Variants in PAG1 observed in about 807,000 individuals in gnomAD.
PAG1 encodes phosphoprotein membrane anchor with glycosphingolipid microdomains 1.
PAG1 carries 23 observed loss-of-function variants against 31.7 expected under a neutral mutation model. The ratio of observed to expected loss-of-function variants is 0.73; its 90% CI spans 0.52 to 1.03. The LOEUF (loss-of-function observed/expected upper bound fraction) is 1.03, where lower values mean the gene tolerates loss of function less well. PAG1 is among the 50% of genes least tolerant of loss of function. PAG1 has a pLI of 0.00. For synonymous variants in PAG1, 214 were observed against 210.3 expected (o/e 1.02, Z -0.15); for missense variants, 473 against 540.7 (o/e 0.87, Z 1.24).
intron 3 of PAG1, chr8:81,029,782 C>A (rs565318563): frequency 6.6e-6 from 1 of 152,260 alleles, no homozygotes; most frequent in South Asian, 2.1e-4. Flanking sequence ...TCAGTGAGCT[C>A]CCAGATTCTG....
chr8:81,014,144 C>T (rs1457009043), intron 3 of PAG1, among the ~76,000 whole-genome samples: 1 of 152,076 alleles, frequency 6.6e-6, no homozygotes, highest in Non-Finnish European at 1.5e-5. Flanking sequence ...TATGGAATCC[C>T]CCTAAAAGAT....
At chr8:80,983,022 G>C (rs1469036908) in intron 7 of PAG1, among the ~76,000 whole-genome samples, 1 of 152,096 alleles carries the variant, frequency 6.6e-6, no homozygotes, top group African/African-American at 2.4e-5. Flanking sequence ...TCTGCTGCTC[G>C]GGACTCTAGT....
At chr8:80,977,074 T>C (rs1219301457) in intron 8 of PAG1, among the ~76,000 whole-genome samples, 168 bp from the exon 9 acceptor site, 1 of 152,184 alleles carries the variant, frequency 6.6e-6, no homozygotes, top group African/African-American at 2.4e-5. Context: ...AGAGAATAAT[T>C]ACACACACTA....
In PAG1 at chr8:80,993,279, G is replaced by A. The variant is rs903336865; in HGVS notation, c.-52C>T. The stretch of plus-strand genomic sequence containing the variant: ...GAGGGAATCAGTCAGTCCTTCAAAG[G>A]TGGTGACATGGAGGCAGAGAGCTGT... On this transcript the variant is annotated 5_prime_UTR_variant, in exon 4 of 9. Transcript: ENST00000220597. 5 of 1,553,162 alleles carry A rather than the reference G, an allele frequency of 3.2e-6. No individual in the cohort carries two copies. The highest frequency in any genetic ancestry group is 4.3e-6 in the Non-Finnish European group (5 of 1,150,074).
chr8:80,990,061 C>T lies in PAG1; in HGVS notation c.177+1418G>A, dbSNP rs1344196862. 6.6e-6 allele frequency among the ~76,000 whole-genome samples: 1 copy of T among 151,642 alleles called. No homozygotes were observed. Among genetic ancestry groups the T allele is most frequent in the Non-Finnish European group, 1.5e-5 (1 of 67,932 alleles). On this transcript the variant is annotated intron_variant, in intron 5 of 8. Coordinates refer to ENST00000220597, the MANE Select transcript of PAG1 (RefSeq NM_018440.4). This position sits in a 1 kb window ranked among gnomAD's most constrained non-coding sequence, Gnocchi z 5.1. Reference sequence around the variant, plus strand: ...CCTCCCACCCTCCCTGCTGAGGCCACCACAGCAGCAATCACCAGGCAGAGC... The same window carrying T: ...CCTCCCACCCTCCCTGCTGAGGCCATCACAGCAGCAATCACCAGGCAGAGC...
At chr8:81,005,180 G>A (rs1807853958) in intron 3 of PAG1, among the ~76,000 whole-genome samples, 1 of 152,166 alleles carries the variant, frequency 6.6e-6, no homozygotes, top group Non-Finnish European at 1.5e-5. Context: ...GTGCATCTGA[G>A]AGAGACAGGA....
At chr8:81,058,462 C>G (rs1290635451) in intron 2 of PAG1, 1 of 152,222 alleles carries the variant, frequency 6.6e-6, no homozygotes, top group Non-Finnish European at 1.5e-5. Flanking sequence ...ATTTGGGGGT[C>G]CTTTTAAAGC....
At chr8:81,033,125 T>C (rs1808402697) in intron 2 of PAG1, among the ~76,000 whole-genome samples, 1 of 152,200 alleles carries the variant, frequency 6.6e-6, no homozygotes, top group African/African-American at 2.4e-5. Context: ...GTATGGTATG[T>C]GAATTGCATC....
intron 3 of PAG1, among the ~76,000 whole-genome samples, chr8:81,009,946 CT>C (rs1449968558): frequency 6.6e-6 from 1 of 152,202 alleles, no homozygotes; most frequent in East Asian, 1.9e-4. Flanking sequence ...ATGCCGAGGT[CT>C]AACTCTCAAA....
chr8:80,995,027 A>T (rs1807641704), intron 3 of PAG1, among the ~76,000 whole-genome samples: 1 of 152,240 alleles, frequency 6.6e-6, no homozygotes, highest in Non-Finnish European at 1.5e-5. Flanking sequence ...CTTCGCAGCA[A>T]ACCAGGGTGC....
intron 1 of PAG1, among the ~76,000 whole-genome samples, chr8:81,074,409 T>A (rs957678054): frequency 6.6e-6 from 1 of 151,992 alleles, no homozygotes; most frequent in Non-Finnish European, 1.5e-5. Flanking sequence ...GCTAGATAAC[T>A]AGGAAAGGAG....
intron 3 of PAG1, among the ~76,000 whole-genome samples, chr8:81,023,532 GTA>G (rs142315219): frequency 1.3e-5 from 2 of 150,072 alleles, no homozygotes; most frequent in African/African-American, 2.4e-5. Context: ...TTTCTCTGCA[GTA>G]TATATATATA....
intron 1 of PAG1, among the ~76,000 whole-genome samples, chr8:81,102,393 A>G (rs1172315437): frequency 1.3e-5 from 2 of 152,152 alleles, no homozygotes; most frequent in Non-Finnish European, 2.9e-5. Flanking sequence ...AAATGTCACA[A>G]AGGCATAAGC....
intron 8 of PAG1, 76 bp downstream of exon 8, chr8:80,980,359 T>G: frequency 1.2e-6 from 1 of 809,280 alleles, no homozygotes; most frequent in South Asian, 1.4e-5. Context: ...AGGGTAACAT[T>G]ACAGTGCATT....
chr8:80,993,538 C>G (rs1191759579), intron 3 of PAG1, among the ~76,000 whole-genome samples: 1 of 151,870 alleles, frequency 6.6e-6, no homozygotes, highest in Admixed American at 6.5e-5. Context: ...AGCTGCCTGG[C>G]CCAGTGTTTG....
At chr8:81,014,595 T>C (rs1476571469) in intron 3 of PAG1, among the ~76,000 whole-genome samples, 5 of 152,200 alleles carry the variant, frequency 3.3e-5, no homozygotes, top group African/African-American at 1.2e-4. Context: ...GGGGATTCAA[T>C]ATTTCTGTTG....
At chr8:81,024,270 C>T (rs986442767) in intron 3 of PAG1, among the ~76,000 whole-genome samples, 12 of 152,182 alleles carry the variant, frequency 7.9e-5, no homozygotes, top group African/African-American at 2.9e-4. Flanking sequence ...CTGTTGGAAA[C>T]CCCGATCCAG....
intron 2 of PAG1, among the ~76,000 whole-genome samples, chr8:81,069,788 C>G (rs1809065257): frequency 6.6e-6 from 1 of 152,202 alleles, no homozygotes; most frequent in Admixed American, 6.5e-5. Context: ...GAGATTGAGA[C>G]AGAGTAGGCA....
chr8:80,980,138 G>A (rs766783718), intron 8 of PAG1, among the ~76,000 whole-genome samples: 39 of 152,154 alleles, frequency 2.6e-4, no homozygotes, highest in South Asian at 2.1e-3. Context: ...CTGCTCCCAC[G>A]CTGGAATTTT....
Sources: allele counts gnomAD v4.1 joint callset (sites outside exome capture counted in the v4.1 genomes callset), GRCh38; gene constraint gnomAD v4.1.1; non-coding constraint Gnocchi (gnomAD v3.1); transcripts MANE v1.5; gene names NCBI Gene and HGNC (gene_info 2026-07-23, HGNC 2026-07-21).